The following ESRRG variants were observed in gnomAD, a reference collection of about 807,000 sequenced individuals.
ESRRG encodes the protein estrogen-related receptor gamma.
Under a neutral mutation model 44.0 loss-of-function variants are expected in ESRRG, and 13 were observed. That is an observed-to-expected ratio of 0.30 (90% CI 0.19 to 0.47). The LOEUF (loss-of-function observed/expected upper bound fraction) is 0.47, where lower values mean the gene tolerates loss of function less well. ESRRG is among the 20% of genes least tolerant of loss of function. ESRRG has a pLI of 1.00. For synonymous variants in ESRRG, 215 were observed against 214.6 expected (o/e 1.00, Z -0.02); for missense variants, 395 against 580.6 (o/e 0.68, Z 3.29).
chr1:216,747,626 C>T (rs2091554003), intron 2 of ESRRG, among the ~76,000 whole-genome samples: 1 of 152,076 alleles, frequency 6.6e-6, no homozygotes, highest in African/African-American at 2.4e-5. Context: ...TCAAATAATC[C>T]ATAAACACTT....
chr1:216,798,318 T>C (rs1041489189), intron 2 of ESRRG, among the ~76,000 whole-genome samples: 6 of 152,122 alleles, frequency 3.9e-5, no homozygotes, highest in Admixed American at 2.6e-4. Context: ...AAGGCTTCCC[T>C]GAGGAGGTGA....
At chr1:216,948,516 C>A (rs1465535533) in intron 1 of ESRRG, among the ~76,000 whole-genome samples, 1 of 150,238 alleles carries the variant, frequency 6.7e-6, no homozygotes, top group Admixed American at 6.6e-5. Flanking sequence ...AACAGGGGAC[C>A]TAATATTAGC....
intron 1 of ESRRG, among the ~76,000 whole-genome samples, chr1:216,958,632 A>C (rs2068425680): frequency 6.6e-6 from 1 of 152,160 alleles, no homozygotes; most frequent in South Asian, 2.1e-4. Flanking sequence ...AAAATATGTT[A>C]GTTCTTAACA....
At position 216,505,162 on chromosome 1, in the gene ESRRG, G is replaced by A. The variant is rs900503095; in HGVS notation, c.*1777C>T. 1 of 152,634 alleles carries A rather than the reference G, an allele frequency of 6.6e-6. No individual in the cohort carries two copies. The highest frequency in any genetic ancestry group is 2.4e-5 in the African/African-American group (1 of 41,454). 9.5% of individuals were successfully genotyped at this position (152,634 alleles called of 1,614,324 possible). On this transcript the variant is annotated 3_prime_UTR_variant, in exon 7 of 7. Transcript: ENST00000408911. ...TAAGACTGTTCACATAATACAGGGAGCAGCTACTAACACTGGTCCATTGGT... is the reference window on the plus strand; with the variant it reads ...TAAGACTGTTCACATAATACAGGGAACAGCTACTAACACTGGTCCATTGGT...
intron 1 of ESRRG, among the ~76,000 whole-genome samples, chr1:216,943,526 C>T (rs1320088180): frequency 6.6e-6 from 1 of 152,198 alleles, no homozygotes; most frequent in Non-Finnish European, 1.5e-5. Flanking sequence ...TGGAACTCAA[C>T]CATTCACCCA....
intron 2 of ESRRG, among the ~76,000 whole-genome samples, chr1:216,742,849 C>T (rs1313330798): frequency 6.6e-6 from 1 of 151,512 alleles, no homozygotes; most frequent in Non-Finnish European, 1.5e-5. Context: ...TTGGACTCTC[C>T]CAGACAATTA....
chr1:217,001,421 T>G (rs2077022069), intron 1 of ESRRG, among the ~76,000 whole-genome samples: 1 of 152,228 alleles, frequency 6.6e-6, no homozygotes, highest in African/African-American at 2.4e-5. Flanking sequence ...TTTTCCCTAC[T>G]CTTCCATTAA....
intron 1 of ESRRG, among the ~76,000 whole-genome samples, chr1:217,037,428 AG>A (rs1310636090): frequency 6.6e-6 from 1 of 152,188 alleles, no homozygotes; most frequent in African/African-American, 2.4e-5. Flanking sequence ...GAGCTTGTGC[AG>A]AGAAACTCTC....
intron 1 of ESRRG, among the ~76,000 whole-genome samples, chr1:216,986,886 G>A (rs1425511959): frequency 6.6e-6 from 1 of 152,064 alleles, no homozygotes; most frequent in Non-Finnish European, 1.5e-5. Flanking sequence ...ACATAATGTT[G>A]CCAATAATGA....
chr1:216,732,026 T>A (rs1334285567), intron 2 of ESRRG, among the ~76,000 whole-genome samples: 1 of 151,722 alleles, frequency 6.6e-6, no homozygotes, highest in African/African-American at 2.4e-5. Context: ...TTTTTATATG[T>A]TTAAAATATG....
At chr1:216,762,055 G>C (rs1039740650) in intron 2 of ESRRG, among the ~76,000 whole-genome samples, 5 of 152,026 alleles carry the variant, frequency 3.3e-5, no homozygotes, top group Admixed American at 1.3e-4. Context: ...CTCTAGGATG[G>C]GTGTTATATT....
intron 3 of ESRRG, among the ~76,000 whole-genome samples, chr1:216,646,140 G>A (rs1666759687): frequency 6.6e-6 from 1 of 151,812 alleles, no homozygotes; most frequent in Non-Finnish European, 1.5e-5. Flanking sequence ...CCTCTGCTTG[G>A]GTTAAAGCCC....
At chr1:216,820,514 T>C (rs1366059178) in intron 2 of ESRRG, among the ~76,000 whole-genome samples, 2 of 152,218 alleles carry the variant, frequency 1.3e-5, no homozygotes, top group Non-Finnish European at 2.9e-5. Flanking sequence ...ATATCATCTT[T>C]TTTTTTCAGT....
rs528760652 is a variant in ESRRG, at chr1:216,948,033, C to T, written c.-105-8360G>A. Among the ~76,000 whole-genome samples the T allele has an allele frequency of 4.1e-4, 61 of 147,448 alleles. 1 individual carries two copies. Among genetic ancestry groups the T allele is most frequent in the African/African-American group, 1.6e-3 (60 of 37,086 alleles). The stretch of plus-strand genomic sequence containing the variant: ...GATAGAAGGAGCTTGGCCTTGAAAT[C>T]ATCACTTGAAAGAGACTCACCCCAA... On this transcript the variant is annotated intron_variant, in intron 1 of 7. Coordinates refer to the ESRRG transcript ENST00000359162.
chr1:217,092,572 AACT>A (rs1211778486), upstream of ESRRG, among the ~76,000 whole-genome samples: 1 of 152,124 alleles, frequency 6.6e-6, no homozygotes, highest in Admixed American at 6.5e-5. Context: ...ACTTATTTCC[AACT>A]ACTGGCATCA....
intron 1 of ESRRG, among the ~76,000 whole-genome samples, chr1:217,019,455 C>T (rs2079954904): frequency 6.6e-6 from 1 of 152,126 alleles, no homozygotes; most frequent in South Asian, 2.1e-4. Flanking sequence ...CTGGCATCTA[C>T]CACACAAGCA....
At chr1:216,788,253 T>A (rs2094198265) in intron 2 of ESRRG, among the ~76,000 whole-genome samples, 1 of 152,114 alleles carries the variant, frequency 6.6e-6, no homozygotes, top group Non-Finnish European at 1.5e-5. Context: ...AGAAGTCAAT[T>A]CCTGACTTCA....
chr1:217,079,077 A>G (rs2091548026), intron 1 of ESRRG, among the ~76,000 whole-genome samples: 1 of 152,198 alleles, frequency 6.6e-6, no homozygotes, highest in African/African-American at 2.4e-5. Flanking sequence ...CATAGAAGAG[A>G]GTGAAAATTC....
At chr1:216,880,770 A>G (rs960164056) in intron 2 of ESRRG, among the ~76,000 whole-genome samples, 33 of 152,326 alleles carry the variant, frequency 2.2e-4, no homozygotes, top group African/African-American at 7.5e-4. Context: ...AATATGAGGT[A>G]TGAATCCACA....
Sources: gnomAD v4.1 joint callset for allele counts (sites outside exome capture counted in the v4.1 genomes callset) on GRCh38, gnomAD v4.1.1 for gene constraint, MANE v1.5 for transcripts, NCBI Gene and HGNC (gene_info 2026-07-23, HGNC 2026-07-21) for gene names.